The following KCNQ3 variants were observed in gnomAD, a reference collection of about 807,000 sequenced individuals.
KCNQ3 encodes potassium voltage-gated channel subfamily KQT member 3.
Under a neutral mutation model 92.5 loss-of-function variants are expected in KCNQ3, and 30 were observed. That is an observed-to-expected ratio of 0.32 (90% confidence interval 0.24 to 0.44). The LOEUF is 0.44. Ranked by LOEUF, KCNQ3 falls within the 20% of genes least tolerant of loss-of-function variation. The pLI, the probability that KCNQ3 is intolerant of heterozygous loss-of-function variation, is 1.00. For missense variants in KCNQ3, 913 were observed against 1,140.3 expected, an observed-to-expected ratio of 0.80 and a Z score of 2.87; for synonymous variants, 450 against 468.8, an observed-to-expected ratio of 0.96 and a Z score of 0.52.
chr8:132,473,266 C>T (rs980794965), intron 1 of KCNQ3, among the ~76,000 whole-genome samples: 4 of 145,240 alleles, frequency 2.8e-5, no homozygotes, highest in African/African-American at 7.4e-5. Flanking sequence ...GGAGAATGAG[C>T]TAAATAGAGT....
intron 1 of KCNQ3, among the ~76,000 whole-genome samples, chr8:132,263,570 C>T (rs1450283824): frequency 2.0e-5 from 3 of 152,174 alleles, no homozygotes; most frequent in Non-Finnish European, 4.4e-5. Flanking sequence ...CCTAAGCAGA[C>T]TCTAAAATTT....
intron 1 of KCNQ3, among the ~76,000 whole-genome samples, chr8:132,327,159 T>C (rs969010970): frequency 6.6e-6 from 1 of 152,196 alleles, no homozygotes; most frequent in Admixed American, 6.5e-5. Context: ...CAGAGGTGAA[T>C]TTGACAAATT....
At chr8:132,451,895 G>A (rs890268094) in intron 1 of KCNQ3, among the ~76,000 whole-genome samples, 43 of 152,268 alleles carry the variant, frequency 2.8e-4, no homozygotes, top group African/African-American at 9.4e-4. Context: ...AGTTTCAAGC[G>A]GCCTCAACTG....
intron 1 of KCNQ3, among the ~76,000 whole-genome samples, chr8:132,467,338 G>A (rs1822196800): frequency 1.3e-5 from 2 of 152,172 alleles, no homozygotes; most frequent in South Asian, 4.1e-4. Context: ...AGGTCTCCAT[G>A]AATGGAACAA....
intron 1 of KCNQ3, among the ~76,000 whole-genome samples, chr8:132,426,058 G>C (rs1821099352): frequency 6.6e-6 from 1 of 152,256 alleles, no homozygotes; most frequent in Non-Finnish European, 1.5e-5. Context: ...GCTCACATTT[G>C]ATTCCACAAG....
intron 1 of KCNQ3, 37 bp from the exon 2 acceptor site, chr8:132,186,218 G>T (rs183252837): frequency 1.3e-4 from 199 of 1,479,050 alleles, no homozygotes; most frequent in Admixed American, 3.0e-4. Flanking sequence ...AGGAACCTTT[G>T]AGTCATGGCT....
chr8:132,391,879 C>A (rs1026594576), intron 1 of KCNQ3, among the ~76,000 whole-genome samples: 1 of 152,120 alleles, frequency 6.6e-6, no homozygotes, highest in Non-Finnish European at 1.5e-5. Context: ...CCTGCACTGG[C>A]GAGGGTGGGT....
intron 1 of KCNQ3, among the ~76,000 whole-genome samples, chr8:132,261,415 G>A (rs1471093626): frequency 6.6e-6 from 1 of 152,178 alleles, no homozygotes; most frequent in Non-Finnish European, 1.5e-5. Context: ...TTCTCACTGT[G>A]CCAATGTGGC....
At chr8:132,386,834 G>GACTCTAAGGAAAAACAGAAAT (rs1819903443) in intron 1 of KCNQ3, among the ~76,000 whole-genome samples, 1 of 151,998 alleles carries the variant, frequency 6.6e-6, no homozygotes, top group South Asian at 2.1e-4. Context: ...TCATTCCTCT[G>GACTCTAAGGAAAAACAGAAAT]ACTCTAAGGA....
At chr8:132,379,308 T>TG (rs1412256762) in intron 1 of KCNQ3, among the ~76,000 whole-genome samples, 1 of 151,634 alleles carries the variant, frequency 6.6e-6, no homozygotes, top group African/African-American at 2.4e-5. Flanking sequence ...TTAGCTCTAT[T>TG]TTTTTTTCAG....
rs898063010 is a variant in KCNQ3, at chr8:132,163,624, C to T, written c.1236-130G>A. ...GAGTTGAGCTCTAGGACAGGATGGT[C>T]AGTGTGGAGGGAACCAATGAAGGAG... is the stretch of plus-strand genomic sequence containing the variant. On this transcript the variant is annotated intron_variant, in intron 8 of 14. Coordinates refer to ENST00000388996, the MANE Select transcript of KCNQ3 (RefSeq NM_004519.4). 5 of 825,824 alleles carry T rather than the reference C, an allele frequency of 6.1e-6. No homozygotes were observed. In the African/African-American group the frequency reaches 6.7e-5, roughly 11 times the overall value. 51.2% of individuals were successfully genotyped at this position (825,824 alleles called of 1,614,324 possible). A position where few individuals can be genotyped will look rare whatever the true frequency, so the allele number is the denominator to read the frequency against.
At chr8:132,456,490 T>C (rs892168243) in intron 1 of KCNQ3, among the ~76,000 whole-genome samples, 4 of 146,982 alleles carry the variant, frequency 2.7e-5, no homozygotes, top group African/African-American at 7.6e-5. Context: ...TGTGTGCAGT[T>C]TGTGTTTAGG....
chr8:132,291,007 T>C (rs575668994), intron 1 of KCNQ3, among the ~76,000 whole-genome samples: 1 of 152,308 alleles, frequency 6.6e-6, no homozygotes, highest in Admixed American at 6.5e-5. Context: ...TTTCAAGAAG[T>C]GCTGAATACT....
chr8:132,171,677 T>C (rs145159594), intron 7 of KCNQ3, among the ~76,000 whole-genome samples: 48 of 152,324 alleles, frequency 3.2e-4, no homozygotes, highest in African/African-American at 1.1e-3. Context: ...TCTTGGCTTA[T>C]GGGCTCTCTG....
chr8:132,380,035 GA>G (rs1196907907), intron 1 of KCNQ3, among the ~76,000 whole-genome samples: 5 of 152,036 alleles, frequency 3.3e-5, no homozygotes, highest in Non-Finnish European at 7.4e-5. Context: ...TTTATTCAAT[GA>G]AAGAAGAAAC....
intron 1 of KCNQ3, among the ~76,000 whole-genome samples, chr8:132,252,602 C>T (rs1007068753): frequency 6.6e-6 from 1 of 152,158 alleles, no homozygotes; most frequent in Non-Finnish European, 1.5e-5. Flanking sequence ...GATTGGGTGG[C>T]CAGCTTTTAT....
chr8:132,221,718 A>T (rs1162908323), intron 1 of KCNQ3, among the ~76,000 whole-genome samples: 1 of 152,180 alleles, frequency 6.6e-6, no homozygotes, highest in Non-Finnish European at 1.5e-5. Flanking sequence ...CAAAACAGAT[A>T]TATAGACCAA....
At chr8:132,163,520 T>C in intron 8 of KCNQ3, 26 bp from the exon 9 acceptor site, 1 of 1,600,284 alleles carries the variant, frequency 6.2e-7, no homozygotes, top group South Asian at 1.1e-5. Flanking sequence ...GGAGAAAAAA[T>C]AAAGCATAAA....
At chr8:132,200,943 G>T (rs1261472951) in intron 1 of KCNQ3, among the ~76,000 whole-genome samples, 1 of 152,136 alleles carries the variant, frequency 6.6e-6, no homozygotes, top group Non-Finnish European at 1.5e-5. Flanking sequence ...ATAAACAACA[G>T]AATTTTATCT....
Sources: allele counts gnomAD v4.1 joint callset (sites outside exome capture counted in the v4.1 genomes callset), GRCh38; gene constraint gnomAD v4.1.1; transcripts MANE v1.5; gene names NCBI Gene and HGNC (gene_info 2026-07-23, HGNC 2026-07-21).